HEATR4: variants seen among roughly 807,000 people sequenced by gnomAD.
HEATR4 encodes the protein HEAT repeat containing 4, also known as HEAT repeat-containing protein 4.
HEATR4 carries 95 observed loss-of-function variants against 108.8 expected under a neutral mutation model. The ratio of observed to expected loss-of-function variants is 0.87; its 90% CI spans 0.74 to 1.04. The LOEUF (loss-of-function observed/expected upper bound fraction) is 1.04, where lower values mean the gene tolerates loss of function less well. HEATR4 is among the 50% of genes least tolerant of loss of function. The probability of loss-of-function intolerance (pLI) is 0.00; values close to 1 mark genes in which losing one functional copy is unlikely to be tolerated. For synonymous variants in HEATR4, 443 were observed against 459.4 expected, an observed-to-expected ratio of 0.96 and a Z score of 0.46; for missense variants, 1,152 against 1,253.8, an observed-to-expected ratio of 0.92 and a Z score of 1.23.
chr14:73,534,379 GA>G lies in HEATR4; in HGVS notation c.-151-4136del, dbSNP rs1243402800. ...GGGCGACAGAGCAAGACTCTGTCTT[GA>G]AAAAAAAAAAAGAATTAAAAAAAGA... On this transcript the variant is annotated intron_variant, in intron 1 of 17. Transcript: ENST00000553558. 4.7e-3 allele frequency among the ~76,000 whole-genome samples: 434 copies of G among 91,780 alleles called. 57 individuals are homozygous for G. The highest frequency in any genetic ancestry group is 0.013 in the African/African-American group (358 of 28,572). 60.2% of individuals were successfully genotyped at this position (91,780 alleles called of 152,430 possible).
the HEATR4 span, among the ~76,000 whole-genome samples, chr14:73,577,137 G>A: frequency 1.1e-4 from 17 of 151,742 alleles, no homozygotes; most frequent in Admixed American, 3.3e-4. Context: ...TCCCAGTGTT[G>A]CCCAGACTAG....
chr14:73,585,820 C>CTTT, the HEATR4 span, among the ~76,000 whole-genome samples: 60 of 115,530 alleles, frequency 5.2e-4, 1 homozygote, highest in East Asian at 3.1e-3. Context: ...TTGTCTTTTT[C>CTTT]TTTTTTTTTT....
chr14:73,536,144 T>G (rs1393623300), intron 1 of HEATR4, among the ~76,000 whole-genome samples: 1 of 114,800 alleles, frequency 8.7e-6, no homozygotes, highest in Non-Finnish European at 1.9e-5. Context: ...TGGAAAGAGA[T>G]AAAAAGGCTT....
chr14:73,513,728 CAAAAAAAAAAAAAAA>C (rs747778891), intron 6 of HEATR4, among the ~76,000 whole-genome samples: 8 of 46,776 alleles, frequency 1.7e-4, no homozygotes, highest in South Asian at 1.5e-3. Flanking sequence ...ACTACGTCTC[CAAAAAAAAAAAAAAA>C]AAAAAAAAAA....
rs1234670154 is a variant in HEATR4 at position 73,545,125 on chromosome 14, C to T, written c.-152+13626G>A. 1.2e-4 allele frequency among the ~76,000 whole-genome samples: 12 copies of T among 102,932 alleles called. 1 individual carries two copies. The highest frequency in any genetic ancestry group is 3.7e-4 in the African/African-American group (12 of 32,008). The allele number at this position is 102,932 out of a possible 152,430, so 67.5% of individuals were successfully genotyped here. A position where few individuals can be genotyped will look rare whatever the true frequency, so the allele number is the denominator to read the frequency against. ...CCAGGCTGGAGTGCAGTGGCACAGT[C>T]ACGGCTCACTGCAGCCTCAACCTCG... On this transcript the variant is annotated intron_variant, in intron 1 of 17. Transcript: ENST00000553558.
chr14:73,578,878 G>C, the HEATR4 span, among the ~76,000 whole-genome samples: 2 of 151,750 alleles, frequency 1.3e-5, no homozygotes, highest in African/African-American at 4.8e-5. Flanking sequence ...GAGGTCGGGA[G>C]ATCAAGACCA....
At chr14:73,566,683 G>C in the HEATR4 span, among the ~76,000 whole-genome samples, 1 of 152,168 alleles carries the variant, frequency 6.6e-6, no homozygotes, top group African/African-American at 2.4e-5. Flanking sequence ...CCGCAAGTGC[G>C]GAACGCAGCC....
chr14:73,578,965 G>T, the HEATR4 span, among the ~76,000 whole-genome samples: 1 of 151,374 alleles, frequency 6.6e-6, no homozygotes, highest in South Asian at 2.1e-4. Flanking sequence ...GGTGCCTGTA[G>T]TCCCAGCTAC....
chr14:73,575,660 G>T, the HEATR4 span: 12 of 1,277,042 alleles, frequency 9.4e-6, no homozygotes, highest in Non-Finnish European at 1.1e-5. Context: ...CAGTAAGAAT[G>T]AGTTTTTAAG....
chr14:73,522,161 T>G, intron 3 of HEATR4, 111 bp downstream of exon 3: 1 of 1,124,058 alleles, frequency 8.9e-7, no homozygotes, highest in Non-Finnish European at 1.3e-6. Context: ...GTGGAGAACA[T>G]GAAGTTGATG....
the HEATR4 span, chr14:73,617,194 T>G: frequency 1.2e-6 from 2 of 1,614,128 alleles, no homozygotes; most frequent in Non-Finnish European, 1.7e-6. Flanking sequence ...CATCCAAAGG[T>G]GCGTTCTGGT....
the HEATR4 span, among the ~76,000 whole-genome samples, chr14:73,627,874 G>GT: frequency 6.6e-6 from 1 of 151,952 alleles, no homozygotes; most frequent in Non-Finnish European, 1.5e-5. Flanking sequence ...CTGGAGGGCA[G>GT]TGTTGTTCAC....
chr14:73,597,591 C>CTTTTTTTTTTTTTTTTTTTTTTTTTTTTT, the HEATR4 span, among the ~76,000 whole-genome samples: 9 of 98,206 alleles, frequency 9.2e-5, no homozygotes, highest in African/African-American at 2.3e-4. Flanking sequence ...TTTTTCTTTT[C>CTTTTTTTTTTTTTTTTTTTTTTTTTTTTT]TTTTTTTTTT....
chr14:73,593,650 C>A, the HEATR4 span: 1 of 1,515,226 alleles, frequency 6.6e-7, no homozygotes, highest in South Asian at 1.3e-5. Context: ...GCCAGGAAAG[C>A]AAATTCTTTA....
At chr14:73,620,338 C>T in the HEATR4 span, among the ~76,000 whole-genome samples, 2 of 152,210 alleles carry the variant, frequency 1.3e-5, no homozygotes, top group South Asian at 2.1e-4. Flanking sequence ...GCTAGGTCCA[C>T]GTAGGCTTAA....
chr14:73,592,653 G>C, the HEATR4 span, among the ~76,000 whole-genome samples: 1 of 152,154 alleles, frequency 6.6e-6, no homozygotes, highest in South Asian at 2.1e-4. Context: ...AGGAGTTTGA[G>C]ACCAGACTGG....
At chr14:73,580,595 G>A in the HEATR4 span, 6 of 150,448 alleles carry the variant, frequency 4.0e-5, no homozygotes, top group Middle Eastern at 3.2e-3. Flanking sequence ...AGGAGTTGTC[G>A]GGTGGCGTGA....
chr14:73,507,093 G>A (rs546639364), intron 9 of HEATR4, among the ~76,000 whole-genome samples: 31 of 151,698 alleles, frequency 2.0e-4, no homozygotes, highest in Non-Finnish European at 3.5e-4. Flanking sequence ...GTGAGCCACC[G>A]TGCCCGGCCT....
chr14:73,587,003 T>G, the HEATR4 span, among the ~76,000 whole-genome samples: 1 of 152,170 alleles, frequency 6.6e-6, no homozygotes, highest in African/African-American at 2.4e-5. Context: ...AGTTCCATAC[T>G]GAAGTCCACA....
Sources: gnomAD v4.1 joint callset for allele counts (sites outside exome capture counted in the v4.1 genomes callset) on GRCh38, gnomAD v4.1.1 for gene constraint, MANE v1.5 for transcripts, NCBI Gene and HGNC (gene_info 2026-07-23, HGNC 2026-07-21) for gene names.